RELL1: variants seen among roughly 807,000 people sequenced by gnomAD.
RELL1 encodes RELT-like protein 1.
In RELL1, 10 loss-of-function variants were observed where a neutral mutation model predicts 23.0. That is an observed-to-expected ratio of 0.43 (90% CI 0.27 to 0.74). The LOEUF is 0.74. RELL1 is among the 30% of genes least tolerant of loss of function. The pLI, the probability that RELL1 is intolerant of heterozygous loss-of-function variation, is 0.19. For missense variants in RELL1, 315 were observed against 364.4 expected, an observed-to-expected ratio of 0.86 and a Z score of 1.10; for synonymous variants, 146 against 146.8, an observed-to-expected ratio of 0.99 and a Z score of 0.04.
chr4:37,649,372 A>C lies in RELL1; in HGVS notation c.217T>G (p.Phe73Val). The change falls in exon 2 of 7, where the codon TTT becomes GTT. Residue 73 changes from phenylalanine to valine, a missense_variant. By Grantham distance (50) the Phe-to-Val change is conservative (BLOSUM62 -1). Transcript: ENST00000454158. ...LVPVFFIMGL[F>V]GVLICHLLKK... is the part of the protein sequence containing the mutation. ...AGCAGGTGGCAAATGAGGACGCCAA[A>C]GAGACCCATGATAAAGAACACAGGG... is the stretch of plus-strand genomic sequence containing the variant. The C allele has an allele frequency of 6.2e-7, 1 of 1,614,250 alleles. No homozygotes were observed. Among genetic ancestry groups the C allele is most frequent in the Non-Finnish European group, 8.5e-7 (1 of 1,180,042 alleles).
chr4:37,607,385 C>A (rs547903048), downstream of RELL1, among the ~76,000 whole-genome samples: 2 of 152,284 alleles, frequency 1.3e-5, no homozygotes, highest in South Asian at 4.1e-4. Context: ...TTTTGCAACT[C>A]TTCTACAAGT....
downstream of RELL1, among the ~76,000 whole-genome samples, chr4:37,606,039 AAAG>A (rs1309100800): frequency 1.3e-5 from 2 of 149,066 alleles, no homozygotes; most frequent in African/African-American, 4.9e-5. This position sits in a 1 kb window ranked among gnomAD's most constrained non-coding sequence, Gnocchi z 4.1. Flanking sequence ...AAGGAGAAAG[AAAG>A]AAAAAGAAGA....
chr4:37,605,812 AAAG>A (rs1316304122), downstream of RELL1, among the ~76,000 whole-genome samples: 1 of 119,250 alleles, frequency 8.4e-6, no homozygotes. Context: ...AGAAAGAAAG[AAAG>A]AAAGAAAGAA....
intron 1 of RELL1, among the ~76,000 whole-genome samples, chr4:37,678,752 A>G (rs903514479): frequency 1.3e-5 from 2 of 152,362 alleles, no homozygotes; most frequent in Admixed American, 1.3e-4. Context: ...TTTATCTTAC[A>G]TAACTGACAC....
At chr4:37,658,096 G>T (rs1721191140) in intron 1 of RELL1, among the ~76,000 whole-genome samples, 1 of 152,160 alleles carries the variant, frequency 6.6e-6, no homozygotes, top group Non-Finnish European at 1.5e-5. Context: ...TTGGTAACTA[G>T]GAGGGTGAGG....
chr4:37,622,804 T>TG, intron 6 of RELL1: 1 of 439,226 alleles, frequency 2.3e-6, no homozygotes, highest in Non-Finnish European at 4.6e-6. Flanking sequence ...TAATGCTTTT[T>TG]TTTTTTTTTT....
At chr4:37,592,660 A>G (rs181846461) in intron 6 of RELL1, among the ~76,000 whole-genome samples, 1 of 152,382 alleles carries the variant, frequency 6.6e-6, no homozygotes, top group Admixed American at 6.5e-5. Context: ...CAGAATTGAA[A>G]TCTGACTGAA....
chr4:37,669,546 T>C (rs1189492164), intron 1 of RELL1, among the ~76,000 whole-genome samples: 2 of 151,900 alleles, frequency 1.3e-5, no homozygotes, highest in Admixed American at 6.5e-5. Flanking sequence ...CAACAGCTCA[T>C]TGAGAACGGG....
intron 3 of RELL1, among the ~76,000 whole-genome samples, chr4:37,644,273 A>G (rs1231399169): frequency 6.6e-6 from 1 of 151,798 alleles, no homozygotes; most frequent in Non-Finnish European, 1.5e-5. Context: ...AAGGACCCCA[A>G]ACACCCTCTC....
chr4:37,686,217 G>A lies in RELL1; in HGVS notation c.71C>T (p.Ser24Leu), dbSNP rs1422391351. The A allele has an allele frequency of 6.3e-7, 1 of 1,580,776 alleles. No homozygotes were observed. Among genetic ancestry groups the A allele is most frequent in the Non-Finnish European group, 8.5e-7 (1 of 1,171,654 alleles). ...ACACTCACCCGGAGCCACCAGCGGC[G>A]AACTCACGGCGCCTCCCACGAAGAC... is the stretch of plus-strand genomic sequence containing the variant. ...AAVFVGGAVS[S>L]PLVAPDNGSS... Residue 24 changes from serine to leucine, a missense_variant, in exon 1 of 7, where the codon TCG becomes TTG. Transcript: ENST00000454158.
At chr4:37,666,235 G>A (rs538881065) in intron 1 of RELL1, among the ~76,000 whole-genome samples, 33 of 152,336 alleles carry the variant, frequency 2.2e-4, no homozygotes, top group Non-Finnish European at 4.3e-4. Flanking sequence ...TGAAGCTGAA[G>A]TCACTCATCT....
chr4:37,603,246 C>T (rs980299297), intron 6 of RELL1, among the ~76,000 whole-genome samples: 6 of 152,170 alleles, frequency 3.9e-5, no homozygotes, highest in Non-Finnish European at 8.8e-5. Flanking sequence ...CCAGCTGAAC[C>T]GCGTGGGCAG....
intron 6 of RELL1, chr4:37,623,541 C>A (rs998327754): frequency 1.2e-4 from 18 of 152,260 alleles, no homozygotes; most frequent in African/African-American, 4.3e-4. Context: ...TTATTACCTA[C>A]AACTCCTAAA....
At position 37,669,442 on chromosome 4, in the gene RELL1, C is replaced by T. The variant is rs545494509; in HGVS notation, c.88+16758G>A. Among the ~76,000 whole-genome samples the T allele has an allele frequency of 3.7e-3, 563 of 151,136 alleles. 4 individuals carry two copies. Among genetic ancestry groups the T allele is most frequent in the African/African-American group, 0.013 (543 of 41,120 alleles). ...CAGCCCCCCACCCGGCCAGCCACCC[C>T]GTCCGGGAGGTGAGGGGCGCCTCTG... is the stretch of plus-strand genomic sequence containing the variant. On this transcript the variant is annotated intron_variant, in intron 1 of 6. Transcript: ENST00000454158.
At chr4:37,646,343 A>C (rs942995931) in intron 3 of RELL1, among the ~76,000 whole-genome samples, 1 of 152,268 alleles carries the variant, frequency 6.6e-6, no homozygotes, top group African/African-American at 2.4e-5. Context: ...ACTAAATTTC[A>C]TAAAAGTTCA....
intron 1 of RELL1, among the ~76,000 whole-genome samples, chr4:37,654,519 T>C (rs1425209947): frequency 6.6e-6 from 1 of 152,276 alleles, no homozygotes; most frequent in African/African-American, 2.4e-5. Flanking sequence ...TAAACTTCAG[T>C]AGGTTTAGCT....
intron 3 of RELL1, among the ~76,000 whole-genome samples, chr4:37,639,565 C>A (rs1289825031): frequency 6.6e-6 from 1 of 151,720 alleles, no homozygotes; most frequent in Non-Finnish European, 1.5e-5. Context: ...CCCCAACCCA[C>A]ACCCACATCC....
At chr4:37,617,174 A>G (rs1477405714) in intron 6 of RELL1, among the ~76,000 whole-genome samples, 4 of 152,172 alleles carry the variant, frequency 2.6e-5, no homozygotes, top group Admixed American at 2.6e-4. Context: ...AAATATTACC[A>G]AAAACTTCAG....
intron 1 of RELL1, among the ~76,000 whole-genome samples, chr4:37,668,176 A>G (rs1381185944): frequency 1.3e-5 from 2 of 151,970 alleles, no homozygotes; most frequent in Non-Finnish European, 2.9e-5. Context: ...CAAAAAAGGG[A>G]GGAGGTATGC....
Sources: allele counts gnomAD v4.1 joint callset (sites outside exome capture counted in the v4.1 genomes callset), GRCh38; gene constraint gnomAD v4.1.1; non-coding constraint Gnocchi (gnomAD v3.1); transcripts MANE v1.5; gene names NCBI Gene and HGNC (gene_info 2026-07-23, HGNC 2026-07-21).